Variants in FAM149A observed in about 807,000 individuals in gnomAD.
FAM149A encodes family with sequence similarity 149 member A.
FAM149A carries 71 observed loss-of-function variants against 78.2 expected under a neutral mutation model. The ratio of observed to expected loss-of-function variants is 0.91; its 90% CI spans 0.75 to 1.11. FAM149A has a LOEUF of 1.11. Ranked by LOEUF, FAM149A falls within the 50% of genes least tolerant of loss-of-function variation. The probability of loss-of-function intolerance (pLI) is 0.00; values close to 1 mark genes in which losing one functional copy is unlikely to be tolerated. For synonymous variants in FAM149A, 446 were observed against 410.5 expected (o/e 1.09, Z -1.04); for missense variants, 1,036 against 971.0 (o/e 1.07, Z -0.89).
rs1418778855 is a variant in FAM149A at position 186,144,407 on chromosome 4, T to TA, written c.567-4764dup. 2 of 152,150 alleles carry TA rather than the reference T, an allele frequency of 1.3e-5. No homozygotes were observed. Among genetic ancestry groups the TA allele is most frequent in the Non-Finnish European group, 2.9e-5 (2 of 68,106 alleles). 9.4% of individuals were successfully genotyped at this position (152,150 alleles called of 1,614,324 possible). On this transcript the variant is annotated intron_variant, in intron 1 of 13. Coordinates refer to ENST00000389354, the MANE Select transcript of FAM149A (RefSeq NM_001367768.3). This position sits in a 1 kb window ranked among gnomAD's most constrained non-coding sequence, Gnocchi z 4.2. ...AGATCTAGCGTTCCTGTTGATGGAG[T>TA]AATGGTTCTCGCATTGACCAGATCC...
Position 186,169,552 on chromosome 4 carries a change from C to T in FAM149A, c.2218+2290C>T, listed in dbSNP as rs1226554168. The T allele has an allele frequency of 2.1e-5, 21 of 985,324 alleles. No individual in the cohort carries two copies. In the South Asian group the frequency reaches 6.1e-4, roughly 29 times the overall value. The allele number at this position is 985,324 out of a possible 1,614,324, so 61.0% of individuals were successfully genotyped here. ...GCACTCTGTCAACGTCAGCCCACCA[C>T]GCTGCTCACACAGGGAGTCGCCTCT... On this transcript the variant is annotated intron_variant, in intron 13 of 13. Transcript: ENST00000389354.
intron 8 of FAM149A, among the ~76,000 whole-genome samples, chr4:186,159,397 C>A (rs1734331952): frequency 6.6e-6 from 1 of 151,886 alleles, no homozygotes. Context: ...TCTGGGTGGG[C>A]CATTTCAGGC....
chr4:186,106,019 A>T (rs780247361), intron 1 of FAM149A, among the ~76,000 whole-genome samples: 1 of 152,182 alleles, frequency 6.6e-6, no homozygotes, highest in Non-Finnish European at 1.5e-5. Context: ...AACCGAATAC[A>T]CACGTCTGCA....
At chr4:186,152,129 G>A in intron 4 of FAM149A, 84 bp downstream of exon 4, 9 of 1,365,994 alleles carry the variant, frequency 6.6e-6, no homozygotes, top group Non-Finnish European at 9.3e-6. Flanking sequence ...CAGTACATTT[G>A]GTGTGAAAGT....
At position 186,149,105 on chromosome 4, in the gene FAM149A, A is replaced by T. The variant is rs191157325; in HGVS notation, c.567-68A>T. ...CAACTTTGTATAAAAGAGAAATTTT[A>T]AAAGTCTTAATGAATAAAACTATAT... On this transcript the variant is annotated intron_variant, in intron 1 of 13. Coordinates refer to ENST00000389354, the MANE Select transcript of FAM149A (RefSeq NM_001367768.3). 9 of 1,199,990 alleles carry T rather than the reference A, an allele frequency of 7.5e-6. No homozygotes were observed. The East Asian group carries it at 5.3e-4, about 70-fold the overall frequency. The allele number at this position is 1,199,990 out of a possible 1,614,324, so 74.3% of individuals were successfully genotyped here. A position where few individuals can be genotyped will look rare whatever the true frequency, so the allele number is the denominator to read the frequency against.
At chr4:186,132,223 C>G in intron 1 of FAM149A, 1 of 985,146 alleles carries the variant, frequency 1.0e-6, no homozygotes, top group Middle Eastern at 5.2e-4. Flanking sequence ...GAAAAGTAAG[C>G]CATCAGTATT....
chr4:186,149,768 A>G (rs902647472), intron 3 of FAM149A, 64 bp downstream of exon 3: 1 of 1,118,400 alleles, frequency 8.9e-7, no homozygotes. Flanking sequence ...TTGCTTCCTT[A>G]TATTCAAAAT....
At chr4:186,154,122 A>G (rs1733836478) in intron 5 of FAM149A, among the ~76,000 whole-genome samples, 1 of 152,154 alleles carries the variant, frequency 6.6e-6, no homozygotes, top group South Asian at 2.1e-4. Context: ...GCAGCAGGAG[A>G]AATGAAGCTC....
Position 186,105,551 on chromosome 4 carries a change from G to A in FAM149A, c.475G>A (p.Ala159Thr). The change falls in exon 1 of 14, where the codon GCC becomes ACC. Residue 159 changes from alanine to threonine, a missense_variant. Physicochemically the swap from Ala to Thr is moderately conservative, Grantham distance 58 (BLOSUM62 0). Transcript: ENST00000389354. Reference sequence around the variant, plus strand: ...AGAGCGAGAGCTCGGCGCCTGCGTGGCCCCCGGGGCTGGCCCCAGAACCCT... The same window carrying A: ...AGAGCGAGAGCTCGGCGCCTGCGTGACCCCCGGGGCTGGCCCCAGAACCCT... 1 of 1,133,472 alleles carries A rather than the reference G, an allele frequency of 8.8e-7. No homozygotes were observed. The allele number at this position is 1,133,472 out of a possible 1,614,324, so 70.2% of individuals were successfully genotyped here. A position where few individuals can be genotyped will look rare whatever the true frequency, so the allele number is the denominator to read the frequency against.
intron 1 of FAM149A, chr4:186,133,192 G>T (rs1234837934): frequency 1.0e-6 from 1 of 985,228 alleles, no homozygotes; most frequent in Non-Finnish European, 1.2e-6. Context: ...TTTAAAAAAT[G>T]TGATAAATAT....
intron 1 of FAM149A, among the ~76,000 whole-genome samples, chr4:186,141,943 A>G (rs1219952500): frequency 6.6e-6 from 1 of 152,218 alleles, no homozygotes; most frequent in African/African-American, 2.4e-5. Context: ...AGGTATTGGC[A>G]GAGTGATGGA....
chr4:186,158,128 C>G, intron 8 of FAM149A: 1 of 1,300,334 alleles, frequency 7.7e-7, no homozygotes, highest in South Asian at 1.3e-5. Flanking sequence ...CCCTGTCTTG[C>G]TCCAGGAACA....
intron 1 of FAM149A, chr4:186,133,204 C>T: frequency 1.0e-6 from 1 of 983,956 alleles, no homozygotes; most frequent in Non-Finnish European, 1.2e-6. Flanking sequence ...GATAAATATG[C>T]ATGAGACAGA....
intron 8 of FAM149A, among the ~76,000 whole-genome samples, chr4:186,160,301 C>A (rs1458693785): frequency 2.8e-5 from 4 of 144,656 alleles, no homozygotes; most frequent in Non-Finnish European, 3.0e-5. Flanking sequence ...AACACACACC[C>A]CACACAAACA....
At chr4:186,136,168 AT>A (rs1452114237) in intron 1 of FAM149A, among the ~76,000 whole-genome samples, 1 of 152,222 alleles carries the variant, frequency 6.6e-6, no homozygotes, top group African/African-American at 2.4e-5. Context: ...TTTTAGGAAA[AT>A]TTGGCCTTAT....
intron 1 of FAM149A, among the ~76,000 whole-genome samples, chr4:186,147,835 C>T (rs1462487547): frequency 1.3e-5 from 2 of 151,940 alleles, no homozygotes; most frequent in African/African-American, 4.8e-5. Flanking sequence ...CAGCATAAAG[C>T]GTGTCCTTTA....
intron 1 of FAM149A, chr4:186,125,194 C>T: frequency 3.3e-6 from 3 of 909,416 alleles, no homozygotes; most frequent in Non-Finnish European, 2.6e-6. Flanking sequence ...TTGCTGTTGG[C>T]ATCTCACAAA....
At chr4:186,131,758 C>T (rs915004702) in intron 1 of FAM149A, 5 of 268,168 alleles carry the variant, frequency 1.9e-5, no homozygotes, top group Admixed American at 6.5e-5. Flanking sequence ...ACATAGATGC[C>T]GATTTTCATG....
At chr4:186,112,317 A>G (rs1315155971) in intron 1 of FAM149A, among the ~76,000 whole-genome samples, 21 of 147,996 alleles carry the variant, frequency 1.4e-4, no homozygotes, top group Admixed American at 1.2e-3. Flanking sequence ...GGGGTTTTCT[A>G]GATATACAAT....
Sources: gnomAD v4.1 joint callset for allele counts (sites outside exome capture counted in the v4.1 genomes callset) on GRCh38, gnomAD v4.1.1 for gene constraint, Gnocchi (gnomAD v3.1) non-coding constraint, MANE v1.5 for transcripts, NCBI Gene and HGNC (gene_info 2026-07-23, HGNC 2026-07-21) for gene names.